The following NRG1 variants were observed in gnomAD, a reference collection of about 807,000 sequenced individuals.
The protein encoded by NRG1 is pro-neuregulin-1, membrane-bound isoform.
In NRG1, 18 loss-of-function variants were observed where a neutral mutation model predicts 63.8. The ratio of observed to expected loss-of-function variants is 0.28; its 90% CI spans 0.19 to 0.42. The LOEUF (loss-of-function observed/expected upper bound fraction) is 0.42. Among genes scored for constraint, NRG1 ranks in the 10% least tolerant of loss-of-function variants. The pLI is 1.00. For missense variants in NRG1, 762 were observed against 814.7 expected, an observed-to-expected ratio of 0.94 and a Z score of 0.79; for synonymous variants, 302 against 301.3, an observed-to-expected ratio of 1.00 and a Z score of -0.02.
intron 1 of NRG1, among the ~76,000 whole-genome samples, chr8:31,841,121 T>G (rs920202026): frequency 5.3e-5 from 8 of 152,056 alleles, no homozygotes; most frequent in African/African-American, 1.9e-4. Context: ...CTGCCTAGAA[T>G]GTAGTTGGAT....
chr8:31,739,379 T>C (rs1204720716), intron 1 of NRG1, among the ~76,000 whole-genome samples: 1 of 152,130 alleles, frequency 6.6e-6, no homozygotes, highest in Non-Finnish European at 1.5e-5. Context: ...GCATTTTTTA[T>C]ATTGTTTATT....
chr8:32,149,074 C>A (rs1029217309), intron 1 of NRG1, among the ~76,000 whole-genome samples: 5 of 152,144 alleles, frequency 3.3e-5, no homozygotes, highest in African/African-American at 1.2e-4. Flanking sequence ...CTTGGGCAAG[C>A]AACACCATGA....
At chr8:32,147,974 A>G (rs757477925) in intron 1 of NRG1, among the ~76,000 whole-genome samples, 1 of 152,210 alleles carries the variant, frequency 6.6e-6, no homozygotes, top group Non-Finnish European at 1.5e-5. Flanking sequence ...CTATTATTCT[A>G]CCTTTCTCAC....
At chr8:31,772,532 T>TA (rs576131762) in intron 1 of NRG1, among the ~76,000 whole-genome samples, 1 of 152,140 alleles carries the variant, frequency 6.6e-6, no homozygotes, top group Non-Finnish European at 1.5e-5. Flanking sequence ...ACTTTTTTTT[T>TA]AAATAATAAA....
chr8:32,559,245 T>TAAAAAAAAAAAAAAAAAAAAAAAAAAAAA (rs545838945), intron 1 of NRG1, among the ~76,000 whole-genome samples: 5 of 96,762 alleles, frequency 5.2e-5, no homozygotes, highest in African/African-American at 7.2e-5. Context: ...CTCTAAAATG[T>TAAAAAAAAAAAAAAAAAAAAAAAAAAAAA]AAAAAAAAAA....
At chr8:32,533,526 C>G (rs908164791) in intron 1 of NRG1, among the ~76,000 whole-genome samples, 1 of 151,978 alleles carries the variant, frequency 6.6e-6, no homozygotes, top group African/African-American at 2.4e-5. Context: ...GTTTTAGGAT[C>G]AGGTAGAAGC....
intron 1 of NRG1, among the ~76,000 whole-genome samples, chr8:31,646,087 G>A (rs1804259785): frequency 6.6e-6 from 1 of 152,226 alleles, no homozygotes; most frequent in South Asian, 2.1e-4. Flanking sequence ...TAGATCACAA[G>A]ACTGTGAATG....
At position 32,410,207 on chromosome 8, in the gene NRG1, G is replaced by A. The variant is rs547237395; in HGVS notation, c.38-185621G>A. On this transcript the variant is annotated intron_variant, in intron 1 of 10. Coordinates refer to the NRG1 transcript ENST00000519301. ...TTTTTTTTTTTTTTTTTGAGACATG[G>A]TCTCCTTCTGTCACCTAGACTGGAG... is the stretch of plus-strand genomic sequence containing the variant. Among the ~76,000 whole-genome samples, 7 of 123,396 alleles carry A rather than the reference G, an allele frequency of 5.7e-5. No individual in the cohort carries two copies. In the East Asian group the frequency reaches 1.1e-3, roughly 19 times the overall value. 81.0% of individuals were successfully genotyped at this position (123,396 alleles called of 152,430 possible). A position where few individuals can be genotyped will look rare whatever the true frequency, so the allele number is the denominator to read the frequency against.
intron 1 of NRG1, chr8:31,639,467 G>A: frequency 6.5e-7 from 1 of 1,531,714 alleles, no homozygotes. Flanking sequence ...CGCTGTCGCC[G>A]CCGCGGCCAC....
intron 1 of NRG1, among the ~76,000 whole-genome samples, chr8:32,286,754 T>G (rs1373242946): frequency 6.6e-6 from 1 of 152,134 alleles, no homozygotes; most frequent in Non-Finnish European, 1.5e-5. Flanking sequence ...ATCCTAACAC[T>G]TAGAGGCCGA....
At chr8:32,131,755 GT>G (rs1381179035) in intron 1 of NRG1, among the ~76,000 whole-genome samples, 1 of 151,996 alleles carries the variant, frequency 6.6e-6, no homozygotes, top group African/African-American at 2.4e-5. Flanking sequence ...ACACTTAAAT[GT>G]TGATAAGGCA....
intron 1 of NRG1, among the ~76,000 whole-genome samples, chr8:31,875,766 G>A (rs766527075): frequency 2.6e-5 from 4 of 152,070 alleles, no homozygotes; most frequent in African/African-American, 7.2e-5. Context: ...CTTTGTTTTT[G>A]TTCTTTTCTT....
intron 1 of NRG1, among the ~76,000 whole-genome samples, chr8:31,987,309 A>C (rs1399518588): frequency 1.0e-4 from 13 of 126,324 alleles, no homozygotes; most frequent in African/African-American, 4.1e-4. Flanking sequence ...AAAAAAAAAA[A>C]AAACATATAT....
intron 1 of NRG1, among the ~76,000 whole-genome samples, chr8:31,655,452 G>A (rs1476234730): frequency 6.6e-6 from 1 of 152,152 alleles, no homozygotes; most frequent in Non-Finnish European, 1.5e-5. Context: ...AGGGAGGAGG[G>A]GAAAGGAGGA....
intron 1 of NRG1, among the ~76,000 whole-genome samples, chr8:32,090,476 A>C (rs1031649628): frequency 2.0e-5 from 3 of 152,142 alleles, no homozygotes; most frequent in Admixed American, 2.0e-4. Context: ...GCATGCCATC[A>C]GACCCAGCTA....
chr8:32,067,130 C>G (rs1033353064), intron 1 of NRG1, among the ~76,000 whole-genome samples: 2 of 152,070 alleles, frequency 1.3e-5, no homozygotes, highest in African/African-American at 2.4e-5. Flanking sequence ...CATATCATCT[C>G]CAAACAGGGA....
intron 1 of NRG1, among the ~76,000 whole-genome samples, chr8:31,829,005 C>T (rs111248964): frequency 0.038 from 5,716 of 152,232 alleles, 395 homozygotes; most frequent in African/African-American, 0.13. Context: ...AATGCGGAGA[C>T]AGGGCCTCTT....
chr8:32,203,706 A>C (rs1435026117), intron 1 of NRG1, among the ~76,000 whole-genome samples: 2 of 152,128 alleles, frequency 1.3e-5, no homozygotes, highest in Non-Finnish European at 2.9e-5. Flanking sequence ...TTGTGTGCCT[A>C]CTATAGGCCA....
intron 1 of NRG1, among the ~76,000 whole-genome samples, chr8:31,948,336 A>AG (rs1802944706): frequency 6.6e-6 from 1 of 152,180 alleles, no homozygotes; most frequent in South Asian, 2.1e-4. Flanking sequence ...GAAAATGGAT[A>AG]GGGGAGTTGT....
Sources: allele counts gnomAD v4.1 joint callset (sites outside exome capture counted in the v4.1 genomes callset), GRCh38; gene constraint gnomAD v4.1.1; transcripts MANE v1.5; gene names NCBI Gene and HGNC (gene_info 2026-07-23, HGNC 2026-07-21).